PLXNB2: variants seen among roughly 807,000 people sequenced by gnomAD.
PLXNB2 encodes the protein plexin-B2.
PLXNB2 carries 85 observed loss-of-function variants against 202.6 expected under a neutral mutation model. The ratio of observed to expected loss-of-function variants is 0.42; its 90% CI spans 0.35 to 0.50. The LOEUF is 0.50. Ranked by LOEUF, PLXNB2 falls within the 20% of genes least tolerant of loss-of-function variation. PLXNB2 has a pLI of 0.02. For missense variants in PLXNB2, 2,063 were observed against 2,586.2 expected (o/e 0.80, Z 4.39); for synonymous variants, 1,239 against 1,137.6 (o/e 1.09, Z -1.79).
intron 1 of PLXNB2, among the ~76,000 whole-genome samples, chr22:50,302,374 A>T (rs944659762): frequency 1.3e-5 from 2 of 152,076 alleles, no homozygotes; most frequent in Admixed American, 1.3e-4. Context: ...CCGTGGCTGG[A>T]GCTGTGTGGG....
At chr22:50,306,111 T>C (rs2067873106) in intron 1 of PLXNB2, among the ~76,000 whole-genome samples, 1 of 152,170 alleles carries the variant, frequency 6.6e-6, no homozygotes, top group Non-Finnish European at 1.5e-5. Context: ...TGATCCAAAA[T>C]AATTCTTTCT....
Position 50,284,981 on chromosome 22 carries a change from G to T in PLXNB2, c.2089-316C>A. On this transcript the variant is annotated intron_variant, in intron 11 of 36. Transcript: ENST00000359337. The surrounding 1 kb of genome is among the most constrained non-coding windows in gnomAD (Gnocchi z 8.0). ...GCTCCCTCCTCAGGAGGTGGCACTG[G>T]CCCCTCAATCTCCACACGCCTGCCT... is the stretch of plus-strand genomic sequence containing the variant. 4.0e-6 allele frequency: 2 copies of T among 495,040 alleles called. No individual in the cohort carries two copies. The highest frequency in any genetic ancestry group is 3.4e-5 in the South Asian group (2 of 58,274). The allele number at this position is 495,040 out of a possible 1,614,324, so 30.7% of individuals were successfully genotyped here.
Position 50,290,014 on chromosome 22 carries a change from T to C in PLXNB2, c.571A>G (p.Thr191Ala). The C allele has an allele frequency of 6.2e-7, 1 of 1,613,410 alleles. No individual in the cohort carries two copies. The change falls in exon 3 of 37, where the codon ACT (threonine) becomes GCT (alanine). Residue 191 changes from threonine (T) to alanine (A), a missense_variant. Physicochemically the swap from Thr to Ala is moderately conservative, Grantham distance 58. This residue lies in a region of PLXNB2 where 1,303 missense variants were observed against 1,476.8 expected (regional missense o/e 0.88). Coordinates refer to ENST00000359337, the MANE Select transcript of PLXNB2 (RefSeq NM_012401.4). ...GCTTCAAAGGCCTCCCTGCTGTCAG[T>C]CCGGTCCAACAGCCGAGTGCTCACG... The part of the protein sequence containing the change: ...IIVSTRLLDR[T>A]DSREAFEAYT...
At chr22:50,280,714 G>GGCCAACC in intron 24 of PLXNB2, 30 bp downstream of exon 24, 6 of 1,528,942 alleles carry the variant, frequency 3.9e-6, no homozygotes, top group Non-Finnish European at 5.3e-6. Flanking sequence ...CCACCTGTGT[G>GGCCAACC]CCCTCCCGCC....
intron 33 of PLXNB2, among the ~76,000 whole-genome samples, chr22:50,277,275 T>C (rs2065670846): frequency 6.7e-6 from 1 of 148,578 alleles, no homozygotes; most frequent in Non-Finnish European, 1.5e-5. Flanking sequence ...CACTCCAGCC[T>C]GGGCGACAGA....
rs772579863 is a variant in PLXNB2, at chr22:50,281,717, G to A, written c.3371C>T (p.Thr1124Met). 7 of 1,561,570 alleles carry A rather than the reference G, an allele frequency of 4.5e-6. No individual in the cohort carries two copies. Among genetic ancestry groups the A allele is most frequent in the Non-Finnish European group, 5.2e-6 (6 of 1,152,214 alleles). Residue 1124 changes from threonine to methionine, a missense_variant, in exon 21 of 37, where the codon ACG (threonine) becomes ATG (methionine). This residue lies in a region of PLXNB2 where 760 missense variants were observed against 1,109.4 expected (regional missense o/e 0.69). Transcript: ENST00000359337. ...CACGAAGGCCTCGGCCTCCTGCAGC[G>A]TCATCGCCTTGTTCAGATTGGTGCC... ...ARGTNLNKAMTLQEAEAFVGA... is the reference protein window; with the variant it reads ...ARGTNLNKAMMLQEAEAFVGA...
Position 50,287,723 on chromosome 22 carries a change from A to G in PLXNB2, c.1552T>C (p.Cys518Arg). The change falls in exon 7 of 37, where the codon TGC becomes CGC. Residue 518 changes from cysteine (C) to arginine (R), a missense_variant. Coordinates refer to ENST00000359337, the MANE Select transcript of PLXNB2 (RefSeq NM_012401.4). Reference sequence around the variant, plus strand: ...GGCTGGGCGCTGGTGACGGCCACGCAGGACTTGCTTCGGCTCCACAGCCAG... The same window carrying G: ...GGCTGGGCGCTGGTGACGGCCACGCGGGACTTGCTTCGGCTCCACAGCCAG... ...SHWLWSRSKSCVAVTSAQPQN... is the reference protein window; with the variant it reads ...SHWLWSRSKSRVAVTSAQPQN... 1 of 1,573,300 alleles carries G rather than the reference A, an allele frequency of 6.4e-7. No individual in the cohort carries two copies.
intron 1 of PLXNB2, among the ~76,000 whole-genome samples, chr22:50,295,199 T>C (rs970806247): frequency 6.6e-6 from 1 of 150,584 alleles, no homozygotes; most frequent in Non-Finnish European, 1.5e-5. Flanking sequence ...CGGGCAGCTG[T>C]AGTCCCAGCT....
chr22:50,284,270 G>T lies in PLXNB2; in HGVS notation c.2182-57C>A, dbSNP rs1022660547. ...CTGCCCCCACAGAGGGGCGTGGGGC[G>T]GGGGTCACAAGGGCAGCCTCCCTGT... On this transcript the variant is annotated intron_variant, in intron 12 of 36. Coordinates refer to ENST00000359337, the MANE Select transcript of PLXNB2 (RefSeq NM_012401.4). The surrounding 1 kb of genome is among the most constrained non-coding windows in gnomAD (Gnocchi z 8.0). 1.3e-6 allele frequency: 2 copies of T among 1,520,692 alleles called. No homozygotes were observed. Among genetic ancestry groups the T allele is most frequent in the Non-Finnish European group, 9.1e-7 (1 of 1,098,526 alleles). The allele number at this position is 1,520,692 out of a possible 1,614,324, so 94.2% of individuals were successfully genotyped here. A position where few individuals can be genotyped will look rare whatever the true frequency, so the allele number is the denominator to read the frequency against.
chr22:50,284,730 C>G lies in PLXNB2; in HGVS notation c.2089-65G>C, dbSNP rs1381962335. ...GGCACCCTGGCCCTCCTCCCAGAAC[C>G]CCTGCAGCCCCTCCTCTGTGCCTAC... On this transcript the variant is annotated intron_variant, in intron 11 of 36. Coordinates refer to ENST00000359337, the MANE Select transcript of PLXNB2 (RefSeq NM_012401.4). This position sits in a 1 kb window ranked among gnomAD's most constrained non-coding sequence, Gnocchi z 8.0. The G allele has an allele frequency of 2.6e-6, 3 of 1,165,056 alleles. No homozygotes were observed. The highest frequency in any genetic ancestry group is 3.9e-6 in the Non-Finnish European group (3 of 772,724). 72.2% of individuals were successfully genotyped at this position (1,165,056 alleles called of 1,614,324 possible).
rs2066435714 is a variant in PLXNB2, at chr22:50,286,089, G to A, written c.1887C>T (p.Ser629=). ...MSLEENLPCI[S]CVSNRWTCQW... The stretch of plus-strand genomic sequence containing the variant: ...GGCAGGTCCAGCGGTTGCTCACGCA[G>A]GAGATGCACCTGCATCCAGAGGGGA... Residue 629 remains serine (S), a synonymous_variant, in exon 10 of 37, where the codon TCC becomes TCT. Transcript: ENST00000359337. The A allele has an allele frequency of 4.3e-6, 7 of 1,612,220 alleles. No homozygotes were observed. The highest frequency in any genetic ancestry group is 5.9e-6 in the Non-Finnish European group (7 of 1,179,926).
intron 2 of PLXNB2, among the ~76,000 whole-genome samples, chr22:50,294,352 T>G (rs1369595725): frequency 1.4e-5 from 2 of 146,570 alleles, no homozygotes; most frequent in African/African-American, 5.2e-5. Flanking sequence ...CAACTCCAGC[T>G]GCTGCTGCCC....
rs757423052 is a variant in PLXNB2 at position 50,275,725 on chromosome 22, C to T, written c.5496G>A (p.Glu1832=). The T allele has an allele frequency of 3.7e-6, 6 of 1,609,538 alleles. No homozygotes were observed. In the East Asian group the frequency reaches 1.1e-4, roughly 30 times the overall value. ...TAGGTCAGAGGTCAGTGACCTTGTTCTCCAGTGCAGCGGCAATCTGCTGCA... is the reference window on the plus strand; with the variant it reads ...TAGGTCAGAGGTCAGTGACCTTGTTTTCCAGTGCAGCGGCAATCTGCTGCA... The part of the protein sequence containing the change: ...FRLQQIAAAL[E]NKVTDL Residue 1832 remains glutamate, a synonymous_variant, in exon 37 of 37, where the codon GAG becomes GAA. Transcript: ENST00000359337.
At position 50,290,552 on chromosome 22, in the gene PLXNB2, C is replaced by T. The variant is rs1171085032; in HGVS notation, c.33G>A (p.Leu11=). The change falls in exon 3 of 37, where the codon CTG becomes CTA. Residue 11 remains leucine, a synonymous_variant. Coordinates refer to ENST00000359337, the MANE Select transcript of PLXNB2 (RefSeq NM_012401.4). The part of the protein sequence containing the change: MALQLWALTL[L]GLLGAGASLR... Reference sequence around the variant, plus strand: ...GGCTGGCACCTGCGCCCAGCAGGCCCAGCAGGGTCAGGGCCCAGAGCTGCA... The same window carrying T: ...GGCTGGCACCTGCGCCCAGCAGGCCTAGCAGGGTCAGGGCCCAGAGCTGCA... 1 of 1,611,068 alleles carries T rather than the reference C, an allele frequency of 6.2e-7. No individual in the cohort carries two copies. The highest frequency in any genetic ancestry group is 1.7e-5 in the Admixed American group (1 of 59,912).
rs1164391081 is a variant in PLXNB2, at chr22:50,289,175, C to T, written c.1069-33G>A. On this transcript the variant is annotated intron_variant, in intron 3 of 36. Transcript: ENST00000359337. The surrounding 1 kb of genome is among the most constrained non-coding windows in gnomAD (Gnocchi z 8.0). ...CCACAGCGTGTCAATGGCAGGCAGA[C>T]CCCCTGTCCTGAAGGGCCCTCTCCA... The T allele has an allele frequency of 6.6e-7, 1 of 1,516,674 alleles. No individual in the cohort carries two copies. Among genetic ancestry groups the T allele is most frequent in the Admixed American group, 2.0e-5 (1 of 50,686 alleles). The allele number at this position is 1,516,674 out of a possible 1,614,324, so 94.0% of individuals were successfully genotyped here. A position where few individuals can be genotyped will look rare whatever the true frequency, so the allele number is the denominator to read the frequency against.
chr22:50,278,426 G>A lies in PLXNB2; in HGVS notation c.4732+9C>T. 1 of 1,559,932 alleles carries A rather than the reference G, an allele frequency of 6.4e-7. No homozygotes were observed. The highest frequency in any genetic ancestry group is 1.4e-5 in the African/African-American group (1 of 73,550). Reference sequence around the variant, plus strand: ...GCTGGAAGGAAACGGGCAACAGGGAGGGACTCACGCTCCCCAGGCAGGTCC... The same window carrying A: ...GCTGGAAGGAAACGGGCAACAGGGAAGGACTCACGCTCCCCAGGCAGGTCC... On this transcript the variant is annotated intron_variant, in intron 30 of 36. Coordinates refer to ENST00000359337, the MANE Select transcript of PLXNB2 (RefSeq NM_012401.4).
chr22:50,306,778 C>G (rs554526542), intron 1 of PLXNB2, among the ~76,000 whole-genome samples: 1 of 152,360 alleles, frequency 6.6e-6, no homozygotes, highest in South Asian at 2.1e-4. Context: ...AGACGGACCC[C>G]TTTCTTCCTT....
Position 50,277,592 on chromosome 22 carries a change from C to T in PLXNB2, c.5195G>A (p.Arg1732His), listed in dbSNP as rs768379764. 7.0e-6 allele frequency: 11 copies of T among 1,565,184 alleles called. No homozygotes were observed. The African/African-American group carries it at 8.2e-5, about 12-fold the overall frequency. Residue 1732 changes from arginine to histidine, a missense_variant and splice_region_variant, in exon 33 of 37, where the codon CGC (arginine) becomes CAC (histidine). Transcript: ENST00000359337. ...CAGACCTGCCCCCACCCCACTCACG[C>T]GGCTCAGCTTATGCTCCGTGCGCGT... ...ACTRTEHKLSRDSPSNKLLYA... is the reference protein window; with the variant it reads ...ACTRTEHKLSHDSPSNKLLYA...
rs1234445175 is a variant in PLXNB2, at chr22:50,297,555, C to A, written c.-73-2777G>T. Among the ~76,000 whole-genome samples, 1 of 152,150 alleles carries A rather than the reference C, an allele frequency of 6.6e-6. No individual in the cohort carries two copies. The highest frequency in any genetic ancestry group is 2.4e-5 in the African/African-American group (1 of 41,438). On this transcript the variant is annotated intron_variant, in intron 1 of 36. Transcript: ENST00000359337. This position sits in a 1 kb window ranked among gnomAD's most constrained non-coding sequence, Gnocchi z 5.3. The stretch of plus-strand genomic sequence containing the variant: ...CTGGCCCAAGTCTACCTCCTCTGCC[C>A]GGCCTCTGGCTTCTCCCACCTCCAT...
Sources: gnomAD v4.1 joint callset for allele counts (sites outside exome capture counted in the v4.1 genomes callset) on GRCh38, gnomAD v4.1.1 for gene constraint, gnomAD v4.1.1 regional missense constraint, Gnocchi (gnomAD v3.1) non-coding constraint, MANE v1.5 for transcripts, NCBI Gene and HGNC (gene_info 2026-07-23, HGNC 2026-07-21) for gene names.